DOCK11: variants seen among roughly 807,000 people sequenced by gnomAD.
DOCK11 encodes dedicator of cytokinesis protein 11.
A neutral mutation model predicts 169.1 loss-of-function variants in DOCK11; 70 were observed. The ratio of observed to expected loss-of-function variants is 0.41; its 90% CI spans 0.34 to 0.51. The LOEUF is 0.51. Among genes scored for constraint, DOCK11 ranks in the 20% least tolerant of loss-of-function variants. DOCK11 has a pLI of 0.10. For synonymous variants in DOCK11, 529 were observed against 541.3 expected, an observed-to-expected ratio of 0.98 and a Z score of 0.32; for missense variants, 1,166 against 1,538.8, an observed-to-expected ratio of 0.76 and a Z score of 4.05.
At chrX:118,553,689 G>GA (rs1466554373) in intron 6 of DOCK11, among the ~76,000 whole-genome samples, 1 of 111,671 alleles carries the variant, frequency 9.0e-6, no homozygotes, top group Non-Finnish European at 1.9e-5. Flanking sequence ...ATGAGGATTT[G>GA]ACCTAAGAAA....
intron 1 of DOCK11, among the ~76,000 whole-genome samples, chrX:118,541,558 G>T (rs1021640151): frequency 4.5e-5 from 5 of 112,144 alleles, no homozygotes; most frequent in Non-Finnish European, 9.4e-5. Context: ...ACAGACCTGG[G>T]TTTGAATTCC....
chrX:118,574,554 G>A (rs2013386363), intron 12 of DOCK11, among the ~76,000 whole-genome samples: 1 of 111,763 alleles, frequency 8.9e-6, no homozygotes, highest in Non-Finnish European at 1.9e-5. Flanking sequence ...CTGGGCAACA[G>A]AGCAAGACTC....
At chrX:118,678,269 A>C (rs2016656355) in intron 48 of DOCK11, among the ~76,000 whole-genome samples, 1 of 111,664 alleles carries the variant, frequency 9.0e-6, no homozygotes, top group Non-Finnish European at 1.9e-5. Flanking sequence ...AGATGTACAC[A>C]TATAAATGTA....
intron 27 of DOCK11, 99 bp from the exon 28 acceptor site, chrX:118,610,173 T>A (rs1397710223): frequency 5.8e-6 from 5 of 859,374 alleles, no homozygotes; most frequent in African/African-American, 2.0e-5. Flanking sequence ...ACATCAGTTT[T>A]AAGATATATT....
chrX:118,558,125 A>C (rs1392705011), intron 6 of DOCK11, among the ~76,000 whole-genome samples: 1 of 108,584 alleles, frequency 9.2e-6, no homozygotes, highest in Non-Finnish European at 1.9e-5. Flanking sequence ...GGGGTGCGCC[A>C]CCACGCCTGG....
At chrX:118,632,969 T>TGGGGGGGGGGGGGGGGGGGGGGGGGGGGG (rs766019635) in intron 35 of DOCK11, 1 of 35,830 alleles carries the variant, frequency 2.8e-5, no homozygotes, top group Non-Finnish European at 4.5e-5. Flanking sequence ...TGGGGGGCGG[T>TGGGGGGGGGGGGGGGGGGGGGGGGGGGGG]GGGGGGGGGG....
At chrX:118,617,270 T>C (rs2147471966) in intron 30 of DOCK11, among the ~76,000 whole-genome samples, 1 of 110,351 alleles carries the variant, frequency 9.1e-6, no homozygotes, top group Admixed American at 9.7e-5. Flanking sequence ...GGCGGGTGGA[T>C]TCCAAGGTCA....
At chrX:118,517,854 A>C (rs1386605660) in intron 1 of DOCK11, among the ~76,000 whole-genome samples, 1 of 112,045 alleles carries the variant, frequency 8.9e-6, no homozygotes, top group Non-Finnish European at 1.9e-5. Flanking sequence ...CTTACACTAG[A>C]TATTTGCCTG....
At chrX:118,502,733 A>G (rs935067612) in intron 1 of DOCK11, among the ~76,000 whole-genome samples, 1 of 109,874 alleles carries the variant, frequency 9.1e-6, no homozygotes, top group African/African-American at 3.3e-5. Flanking sequence ...TAAGTGATTC[A>G]TAAAGGTTAA....
At chrX:118,574,872 C>G (rs922860293) in intron 12 of DOCK11, among the ~76,000 whole-genome samples, 1 of 111,688 alleles carries the variant, frequency 9.0e-6, no homozygotes, top group Admixed American at 9.5e-5. Context: ...AAGAGCTTAA[C>G]TGTTCCTTGG....
intron 9 of DOCK11, 28 bp from the exon 10 acceptor site, chrX:118,568,051 G>A: frequency 2.3e-6 from 2 of 884,391 alleles, no homozygotes; most frequent in Non-Finnish European, 3.2e-6. Flanking sequence ...AGGAAATGAA[G>A]TAACATACTT....
intron 35 of DOCK11, chrX:118,632,824 G>A (rs1190194187): frequency 9.1e-6 from 1 of 109,610 alleles, no homozygotes; most frequent in East Asian, 2.8e-4. Context: ...ACATTTTCAG[G>A]CCTTACTGCT....
At chrX:118,564,818 A>G (rs1175804195) in intron 7 of DOCK11, among the ~76,000 whole-genome samples, 1 of 106,030 alleles carries the variant, frequency 9.4e-6, no homozygotes, top group Non-Finnish European at 1.9e-5. Context: ...GTGCAGTGGC[A>G]TGATCATATC....
intron 1 of DOCK11, among the ~76,000 whole-genome samples, chrX:118,529,070 G>A (rs1280718159): frequency 9.3e-6 from 1 of 107,341 alleles, no homozygotes; most frequent in Non-Finnish European, 1.9e-5. Context: ...TGCAACCTCC[G>A]CCTCCTGGGT....
At chrX:118,532,768 G>A (rs1352666287) in intron 1 of DOCK11, among the ~76,000 whole-genome samples, 2 of 85,997 alleles carry the variant, frequency 2.3e-5, no homozygotes, top group Non-Finnish European at 4.5e-5. Flanking sequence ...GCGACAGAGC[G>A]AGACTCTGTC....
chrX:118,580,434 A>T (rs926952872), intron 14 of DOCK11, among the ~76,000 whole-genome samples: 1 of 111,918 alleles, frequency 8.9e-6, no homozygotes, highest in Non-Finnish European at 1.9e-5. Flanking sequence ...CTCCTGCCTC[A>T]GCCTCCCAAG....
In DOCK11 at chrX:118,615,603, C is replaced by G. The variant is rs763419963; in HGVS notation, c.3184C>G (p.Leu1062Val). 2.5e-6 allele frequency: 3 copies of G among 1,200,182 alleles called. No homozygotes were observed. The highest frequency in any genetic ancestry group is 3.4e-6 in the Non-Finnish European group (3 of 886,872). The change falls in exon 30 of 53, where the codon CTG becomes GTG. Residue 1062 changes from leucine (L) to valine (V), a missense_variant. By Grantham distance (32) the Leu-to-Val change is conservative. Coordinates refer to ENST00000276202, the MANE Select transcript of DOCK11 (RefSeq NM_144658.4). ...TGTATCATTTCTTTCCATTTAGGTT[C>G]TGGCTGAATACAAGTTTGAATTTCT... ...SGFSPKDPKV[L>V]AEYKFEFLQT...
At chrX:118,637,786 G>C (rs1433294776) in intron 36 of DOCK11, among the ~76,000 whole-genome samples, 2 of 111,151 alleles carry the variant, frequency 1.8e-5, no homozygotes, top group Non-Finnish European at 3.8e-5. Flanking sequence ...GACTGATGGA[G>C]ACCTTTGCTA....
chrX:118,539,408 GA>G (rs1370922082), intron 1 of DOCK11, among the ~76,000 whole-genome samples: 20 of 111,342 alleles, frequency 1.8e-4, no homozygotes, highest in Admixed American at 1.5e-3. Flanking sequence ...AAGCAGGGTA[GA>G]ATGGTGGTTA....
Sources: gnomAD v4.1 joint callset for allele counts (sites outside exome capture counted in the v4.1 genomes callset) on GRCh38, gnomAD v4.1.1 for gene constraint, MANE v1.5 for transcripts, NCBI Gene and HGNC (gene_info 2026-07-23, HGNC 2026-07-21) for gene names.